Variants in KAZN observed in about 807,000 individuals in gnomAD.
The protein encoded by KAZN is kazrin.
A neutral mutation model predicts 87.4 loss-of-function variants in KAZN; 40 were observed. The observed-to-expected ratio is 0.46, with a 90% CI of 0.36 to 0.60. The LOEUF is 0.60. Among genes scored for constraint, KAZN ranks in the 20% least tolerant of loss-of-function variants. KAZN has a pLI of 0.00. For missense variants in KAZN, 898 were observed against 1,073.9 expected, an observed-to-expected ratio of 0.84 and a Z score of 2.29; for synonymous variants, 466 against 458.3, an observed-to-expected ratio of 1.02 and a Z score of -0.22.
At chr1:14,732,708 C>T (rs1203703957) in intron 1 of KAZN, among the ~76,000 whole-genome samples, 2 of 152,020 alleles carry the variant, frequency 1.3e-5, no homozygotes, top group African/African-American at 2.4e-5. Context: ...ATTTTTTCAA[C>T]TGGCTATTAC....
chr1:14,902,509 T>C (rs1656048016), intron 1 of KAZN, among the ~76,000 whole-genome samples: 2 of 152,196 alleles, frequency 1.3e-5, no homozygotes, highest in East Asian at 3.9e-4. Context: ...ATTACAGGCG[T>C]GAGCCACCGC....
chr1:14,264,953 G>A (rs1250917844), intron 2 of KAZN, among the ~76,000 whole-genome samples: 2 of 152,194 alleles, frequency 1.3e-5, no homozygotes, highest in Admixed American at 6.5e-5. Flanking sequence ...TTAGGGCATG[G>A]ACATCTCTGG....
At chr1:13,997,467 C>T (rs1455135747) in intron 1 of KAZN, among the ~76,000 whole-genome samples, 1 of 151,830 alleles carries the variant, frequency 6.6e-6, no homozygotes, top group African/African-American at 2.4e-5. Context: ...AAGCCAAGAA[C>T]CTGATAAAAG....
At chr1:14,210,971 C>A (rs1557563341) in intron 2 of KAZN, among the ~76,000 whole-genome samples, 1 of 151,958 alleles carries the variant, frequency 6.6e-6, no homozygotes, top group East Asian at 1.9e-4. Flanking sequence ...AGTAAAAAGA[C>A]AATTAATCTC....
intron 2 of KAZN, among the ~76,000 whole-genome samples, chr1:14,991,814 C>T (rs751247272): frequency 6.6e-6 from 1 of 152,244 alleles, no homozygotes; most frequent in African/African-American, 2.4e-5. Context: ...AGTCTTAGCT[C>T]TTCCCAGGAT....
chr1:14,781,204 C>G (rs559360637), intron 1 of KAZN, among the ~76,000 whole-genome samples: 1 of 152,336 alleles, frequency 6.6e-6, no homozygotes, highest in African/African-American at 2.4e-5. Context: ...CACCTGTAGT[C>G]CCAGCTACTC....
chr1:14,759,943 C>G lies in KAZN; in HGVS notation c.226+160720C>G, dbSNP rs1161009288. On this transcript the variant is annotated intron_variant, in intron 1 of 14. Coordinates refer to ENST00000376030, the MANE Select transcript of KAZN (RefSeq NM_201628.3). ...CAGGACTCTCCCTTTGCCTCCCGGC[C>G]TCCGAGAACTTAAGTACCTGGGAAT... is the stretch of plus-strand genomic sequence containing the variant. Among the ~76,000 whole-genome samples, 6 of 152,134 alleles carry G rather than the reference C, an allele frequency of 3.9e-5. No homozygotes were observed. The East Asian group carries it at 1.2e-3, about 29-fold the overall frequency.
intron 1 of KAZN, chr1:14,924,204 G>C: frequency 1.0e-6 from 1 of 981,402 alleles, no homozygotes; most frequent in Non-Finnish European, 1.2e-6. Context: ...GCGTCCGGCC[G>C]GACTGAGAGC....
chr1:14,152,318 C>T (rs978907277), intron 1 of KAZN, among the ~76,000 whole-genome samples: 1 of 152,158 alleles, frequency 6.6e-6, no homozygotes, highest in Admixed American at 6.5e-5. Context: ...AGCATCCGTA[C>T]CTCCCCCTGA....
intron 2 of KAZN, among the ~76,000 whole-genome samples, chr1:14,384,153 G>A (rs1406031404): frequency 4.0e-5 from 6 of 149,238 alleles, no homozygotes; most frequent in Non-Finnish European, 9.0e-5. Context: ...TGTGATTTTT[G>A]TACATTGATT....
At chr1:14,985,661 G>C (rs1198776409) in intron 2 of KAZN, among the ~76,000 whole-genome samples, 1 of 152,218 alleles carries the variant, frequency 6.6e-6, no homozygotes, top group Non-Finnish European at 1.5e-5. Context: ...TCGTTGGATT[G>C]AGGCAGGGCA....
chr1:13,996,337 G>T (rs1639517912), intron 1 of KAZN, among the ~76,000 whole-genome samples: 1 of 152,198 alleles, frequency 6.6e-6, no homozygotes, highest in East Asian at 1.9e-4. Context: ...GGAGGGAGGG[G>T]CAACCAGCAC....
intron 2 of KAZN, among the ~76,000 whole-genome samples, chr1:14,430,213 CAAAA>C (rs35741487): frequency 3.8e-5 from 4 of 105,786 alleles, no homozygotes; most frequent in Non-Finnish European, 4.0e-5. Context: ...GCCCTGCAAC[CAAAA>C]AAAAAAAAAA....
intron 2 of KAZN, among the ~76,000 whole-genome samples, chr1:14,542,297 G>A (rs1395647760): frequency 3.3e-4 from 45 of 135,518 alleles, no homozygotes; most frequent in African/African-American, 1.2e-3. Flanking sequence ...ACTGTTGTGG[G>A]GTGGGGGGAG....
intron 1 of KAZN, chr1:14,924,635 C>A (rs1658954310): frequency 4.2e-5 from 39 of 935,698 alleles, no homozygotes; most frequent in Non-Finnish European, 4.7e-5. Context: ...GCCGCCGGGG[C>A]CGGGCGCGCG....
intron 2 of KAZN, among the ~76,000 whole-genome samples, chr1:14,388,096 C>G (rs561325034): frequency 6.6e-6 from 1 of 152,224 alleles, no homozygotes; most frequent in Non-Finnish European, 1.5e-5. Flanking sequence ...GTCTGTCACC[C>G]CTTTCTTTGA....
chr1:14,341,183 C>T (rs1414647542), intron 2 of KAZN, among the ~76,000 whole-genome samples: 3 of 151,954 alleles, frequency 2.0e-5, no homozygotes, highest in East Asian at 1.9e-4. Flanking sequence ...CATGAGCCAC[C>T]GTGCCCAGCT....
intron 1 of KAZN, among the ~76,000 whole-genome samples, chr1:14,168,728 G>A (rs1205329387): frequency 1.3e-5 from 2 of 152,188 alleles, no homozygotes; most frequent in Non-Finnish European, 2.9e-5. Context: ...AGAACCAGAG[G>A]GCCATAGAGC....
intron 8 of KAZN, among the ~76,000 whole-genome samples, chr1:15,085,869 A>C (rs1640228560): frequency 6.6e-6 from 1 of 152,230 alleles, no homozygotes; most frequent in Non-Finnish European, 1.5e-5. Flanking sequence ...TATTCAAAAA[A>C]AGGAGTCCAG....
Sources: gnomAD v4.1 joint callset for allele counts (sites outside exome capture counted in the v4.1 genomes callset) on GRCh38, gnomAD v4.1.1 for gene constraint, MANE v1.5 for transcripts, NCBI Gene and HGNC (gene_info 2026-07-23, HGNC 2026-07-21) for gene names.